The following APC variants were observed in gnomAD, a reference collection of about 807,000 sequenced individuals.
APC encodes adenomatous polyposis coli protein.
In APC, 72 loss-of-function variants were observed where a neutral mutation model predicts 247.0. That is an observed-to-expected ratio of 0.29 (90% CI 0.24 to 0.35). The LOEUF is 0.35. Among genes scored for constraint, APC ranks in the 10% least tolerant of loss-of-function variants. APC has a pLI of 1.00. For synonymous variants in APC, 1,254 were observed against 1,162.5 expected (o/e 1.08, Z -1.60); for missense variants, 3,400 against 3,360.7 (o/e 1.01, Z -0.29).
intron 1 of APC, among the ~76,000 whole-genome samples, chr5:112,725,049 T>C (rs1053920830): frequency 3.3e-5 from 5 of 152,142 alleles, no homozygotes; most frequent in African/African-American, 9.7e-5. Context: ...AGTGGCACAG[T>C]CTTGGCTCAC....
chr5:112,820,362 A>G (rs1762993148), intron 10 of APC, among the ~76,000 whole-genome samples: 1 of 152,158 alleles, frequency 6.6e-6, no homozygotes. Flanking sequence ...GTTCAAGGAT[A>G]AGAAAGGCCA....
chr5:112,765,100 C>T (rs560994530), intron 2 of APC, among the ~76,000 whole-genome samples: 69 of 151,986 alleles, frequency 4.5e-4, no homozygotes, highest in Middle Eastern at 6.8e-3. Context: ...GGTTTGGGGG[C>T]GATTTCTTTG....
chr5:112,750,815 A>G (rs1754275791), intron 1 of APC, among the ~76,000 whole-genome samples: 1 of 152,172 alleles, frequency 6.6e-6, no homozygotes, highest in Non-Finnish European at 1.5e-5. Flanking sequence ...TAAAAAAATA[A>G]AAGTCTGCTC....
intron 1 of APC, among the ~76,000 whole-genome samples, chr5:112,716,729 A>G (rs1480431493): frequency 6.6e-6 from 1 of 152,218 alleles, no homozygotes. Flanking sequence ...TATTAGATGC[A>G]TAGAAATGTG....
chr5:112,838,180 C>G lies in APC; in HGVS notation c.2586C>G (p.Asn862Lys), dbSNP rs147972247. The G allele has an allele frequency of 2.5e-4, 397 of 1,614,184 alleles. 4 individuals are homozygous for G. In the South Asian group the frequency reaches 2.9e-3, roughly 12 times the overall value. Residue 862 changes from asparagine (N) to lysine (K), a missense_variant, in exon 16 of 16, where the codon AAC (asparagine) becomes AAG (lysine). Around this residue, in one of 9 missense-constraint regions of APC, gnomAD observed 715 missense variants for 656.6 expected, o/e 1.09. Coordinates refer to ENST00000257430, the MANE Select transcript of APC (RefSeq NM_000038.6). ...GAGAACGCGGAATTGGTCTAGGCAACTACCATCCAGCAACAGAAAATCCAG... is the reference window on the plus strand; with the variant it reads ...GAGAACGCGGAATTGGTCTAGGCAAGTACCATCCAGCAACAGAAAATCCAG... ...LERERGIGLG[N>K]YHPATENPGT...
chr5:112,780,714 T>TAAGAA, intron 5 of APC, 76 bp from the exon 6 acceptor site: 1 of 1,017,534 alleles, frequency 9.8e-7, no homozygotes, highest in Non-Finnish European at 1.5e-6. Context: ...CTTTATTGGT[T>TAAGAA]CTTATATGCT....
intron 8 of APC, among the ~76,000 whole-genome samples, chr5:112,810,558 A>C (rs1208879795): frequency 1.3e-5 from 2 of 152,196 alleles, no homozygotes; most frequent in Non-Finnish European, 2.9e-5. Context: ...ACAGCATCCT[A>C]AAGAGTTACG....
intron 9 of APC, among the ~76,000 whole-genome samples, chr5:112,816,115 C>T (rs1425695828): frequency 6.6e-6 from 1 of 152,214 alleles, no homozygotes; most frequent in African/African-American, 2.4e-5. Flanking sequence ...GACTTTCCCC[C>T]TCCCTTCCTT....
intron 1 of APC, chr5:112,738,327 G>A: frequency 1.0e-6 from 1 of 985,530 alleles, no homozygotes; most frequent in Non-Finnish European, 1.2e-6. Context: ...CCCATTGAAA[G>A]GCTTCTTTTC....
rs2149952173 is a variant in APC at position 112,841,496 on chromosome 5, T to C, written c.5902T>C (p.Ser1968Pro). The change falls in exon 16 of 16, where the codon TCT (serine) becomes CCT (proline). Residue 1968 changes from serine (S) to proline (P), a missense_variant. Ser to Pro is a moderately conservative substitution (Grantham distance 74, BLOSUM62 -1). Around this residue, in one of 9 missense-constraint regions of APC, gnomAD observed 1,788 missense variants for 1,649.5 expected, o/e 1.08. Transcript: ENST00000257430. The surrounding 1 kb of genome is among the most constrained non-coding windows in gnomAD (Gnocchi z 4.6). ...NTPVCFSHNS[S>P]LSSLSDIDQE... ...TCCGGTTTGCTTTTCTCATAATTCCTCTCTGAGTTCTCTCAGTGACATTGA... is the reference window on the plus strand; with the variant it reads ...TCCGGTTTGCTTTTCTCATAATTCCCCTCTGAGTTCTCTCAGTGACATTGA... 6.2e-7 allele frequency: 1 copy of C among 1,613,574 alleles called. No homozygotes were observed. Among genetic ancestry groups the C allele is most frequent in the Non-Finnish European group, 8.5e-7 (1 of 1,179,518 alleles).
At chr5:112,791,126 A>G (rs546777748) in intron 6 of APC, among the ~76,000 whole-genome samples, 2 of 152,262 alleles carry the variant, frequency 1.3e-5, no homozygotes, top group South Asian at 2.1e-4. Context: ...ACTAGTATTC[A>G]TAAAAGTTAA....
intron 14 of APC, among the ~76,000 whole-genome samples, chr5:112,830,855 T>C (rs753500252): frequency 2.6e-5 from 4 of 152,224 alleles, no homozygotes; most frequent in Non-Finnish European, 5.9e-5. Context: ...TTATCTTGAT[T>C]GGACTGGCAG....
intron 7 of APC, among the ~76,000 whole-genome samples, chr5:112,794,835 C>G (rs1760027654): frequency 6.6e-6 from 1 of 152,144 alleles, no homozygotes; most frequent in Non-Finnish European, 1.5e-5. Flanking sequence ...TAGAATGGCT[C>G]ACAACTCACT....
chr5:112,813,186 A>G (rs1479343104), intron 8 of APC, among the ~76,000 whole-genome samples: 1 of 152,200 alleles, frequency 6.6e-6, no homozygotes, highest in East Asian at 1.9e-4. Context: ...TTGAAGAAAG[A>G]TTAGTATGTG....
intron 4 of APC, among the ~76,000 whole-genome samples, chr5:112,771,826 A>T (rs927251258): frequency 6.6e-6 from 1 of 151,986 alleles, no homozygotes; most frequent in African/African-American, 2.4e-5. Context: ...GTCATAGTTT[A>T]TATCTTCTTC....
chr5:112,776,820 G>A (rs1262774269), intron 5 of APC, among the ~76,000 whole-genome samples: 1 of 151,784 alleles, frequency 6.6e-6, no homozygotes, highest in Non-Finnish European at 1.5e-5. Flanking sequence ...CATCCAGCCT[G>A]GGTGACAGAG....
rs2149943277 is a variant in APC at position 112,841,155 on chromosome 5, A to G, written c.5561A>G (p.Tyr1854Cys). ...TACACGCCTATTGAAGGAACTCCTT[A>G]CTGTTTTTCACGAAATGATTCTTTG... The part of the protein sequence containing the change: ...HHYTPIEGTP[Y>C]CFSRNDSLSS... The change falls in exon 16 of 16, where the codon TAC becomes TGC. Residue 1854 changes from tyrosine (Y) to cysteine (C), a missense_variant. Physicochemically the swap from Tyr to Cys is radical, Grantham distance 194 (BLOSUM62 -2). Around this residue, in one of 9 missense-constraint regions of APC, gnomAD observed 1,788 missense variants for 1,649.5 expected, o/e 1.08. Coordinates refer to ENST00000257430, the MANE Select transcript of APC (RefSeq NM_000038.6). This position sits in a 1 kb window ranked among gnomAD's most constrained non-coding sequence, Gnocchi z 4.6. The G allele has an allele frequency of 6.2e-7, 1 of 1,613,758 alleles. No individual in the cohort carries two copies. Among genetic ancestry groups the G allele is most frequent in the Non-Finnish European group, 8.5e-7 (1 of 1,179,656 alleles).
At chr5:112,746,988 T>A (rs1753756838) in intron 1 of APC, among the ~76,000 whole-genome samples, 1 of 152,196 alleles carries the variant, frequency 6.6e-6, no homozygotes, top group South Asian at 2.1e-4. Context: ...TTATATATAC[T>A]AGCAATATTT....
At chr5:112,811,842 C>T (rs1762011246) in intron 8 of APC, among the ~76,000 whole-genome samples, 1 of 152,224 alleles carries the variant, frequency 6.6e-6, no homozygotes, top group South Asian at 2.1e-4. Context: ...AATCCTGGTG[C>T]AGCTGAGCTG....
Sources: gnomAD v4.1 joint callset for allele counts (sites outside exome capture counted in the v4.1 genomes callset) on GRCh38, gnomAD v4.1.1 for gene constraint, gnomAD v4.1.1 regional missense constraint, Gnocchi (gnomAD v3.1) non-coding constraint, MANE v1.5 for transcripts, NCBI Gene and HGNC (gene_info 2026-07-23, HGNC 2026-07-21) for gene names.